STARD13: variants seen among roughly 807,000 people sequenced by gnomAD.
STARD13 encodes stAR-related lipid transfer protein 13.
A neutral mutation model predicts 106.4 loss-of-function variants in STARD13; 62 were observed. The observed-to-expected ratio is 0.58, with a 90% CI of 0.48 to 0.72. The LOEUF (loss-of-function observed/expected upper bound fraction) is 0.72, where lower values mean the gene tolerates loss of function less well. Ranked by LOEUF, STARD13 falls within the 30% of genes least tolerant of loss-of-function variation. STARD13 has a pLI of 0.00. For synonymous variants in STARD13, 565 were observed against 553.0 expected (o/e 1.02, Z -0.31); for missense variants, 1,387 against 1,424.0 (o/e 0.97, Z 0.42).
chr13:33,542,638 G>C, the STARD13 span, among the ~76,000 whole-genome samples: 3 of 152,210 alleles, frequency 2.0e-5, no homozygotes, highest in African/African-American at 7.2e-5. Flanking sequence ...TTCCGCTCCG[G>C]GGCTCGTCGG....
chr13:33,144,161 G>A (rs920433266), intron 3 of STARD13, among the ~76,000 whole-genome samples: 1 of 152,128 alleles, frequency 6.6e-6, no homozygotes, highest in South Asian at 2.1e-4. Context: ...CCAGTCCTCT[G>A]TCTCCAGCCC....
the STARD13 span, among the ~76,000 whole-genome samples, chr13:33,385,489 A>T: frequency 6.7e-6 from 1 of 149,334 alleles, no homozygotes; most frequent in South Asian, 2.1e-4. Context: ...AAAAAAAAAA[A>T]AATGACCAGC....
chr13:33,334,395 G>C (rs556218876), intron 1 of STARD13, among the ~76,000 whole-genome samples: 37 of 152,184 alleles, frequency 2.4e-4, no homozygotes, highest in Non-Finnish European at 4.9e-4. Context: ...TGAGACCCCA[G>C]TCTGCACTTC....
the STARD13 span, among the ~76,000 whole-genome samples, chr13:33,458,593 A>T: frequency 4.6e-5 from 7 of 152,108 alleles, no homozygotes; most frequent in African/African-American, 1.7e-4. Context: ...TGATGATAAC[A>T]TGTAGATTCA....
chr13:33,183,283 G>A (rs1451992262), intron 1 of STARD13, among the ~76,000 whole-genome samples: 3 of 152,168 alleles, frequency 2.0e-5, no homozygotes, highest in African/African-American at 7.2e-5. Flanking sequence ...CTCAGCATGT[G>A]CTCAAGACAT....
At chr13:33,357,549 C>A in the STARD13 span, among the ~76,000 whole-genome samples, 1 of 152,182 alleles carries the variant, frequency 6.6e-6, no homozygotes, top group Non-Finnish European at 1.5e-5. Flanking sequence ...ATGAGGTCAG[C>A]AGCTACTCTT....
At chr13:33,185,890 ATG>A (rs1566059733) in intron 1 of STARD13, 2 of 1,614,156 alleles carry the variant, frequency 1.2e-6, no homozygotes, top group Admixed American at 3.3e-5. Flanking sequence ...CGGCGCTGGA[ATG>A]TGTGGTTCAC....
chr13:33,639,541 A>G, the STARD13 span, among the ~76,000 whole-genome samples: 1 of 152,230 alleles, frequency 6.6e-6, no homozygotes, highest in Non-Finnish European at 1.5e-5. Flanking sequence ...AGCAGAAAGA[A>G]GGGAATGATC....
chr13:33,556,705 C>T, the STARD13 span, among the ~76,000 whole-genome samples: 2 of 152,156 alleles, frequency 1.3e-5, no homozygotes, highest in Non-Finnish European at 2.9e-5. Context: ...AAATTATCTT[C>T]CTAATAATGC....
the STARD13 span, among the ~76,000 whole-genome samples, chr13:33,465,311 T>C: frequency 6.7e-6 from 1 of 149,876 alleles, no homozygotes; most frequent in East Asian, 2.0e-4. Context: ...GTTCACGCCA[T>C]TCTCCTGCCT....
the STARD13 span, among the ~76,000 whole-genome samples, chr13:33,559,299 T>G: frequency 3.3e-5 from 5 of 151,668 alleles, no homozygotes; most frequent in Admixed American, 1.3e-4. Flanking sequence ...TTTATTCAAC[T>G]AAAAGTTCTA....
chr13:33,619,695 A>G, the STARD13 span, among the ~76,000 whole-genome samples: 1 of 152,238 alleles, frequency 6.6e-6, no homozygotes, highest in African/African-American at 2.4e-5. Flanking sequence ...TAAACAAAAT[A>G]GATGGGACAA....
chr13:33,339,957 C>T (rs1483332673), intron 1 of STARD13, among the ~76,000 whole-genome samples: 2 of 151,656 alleles, frequency 1.3e-5, no homozygotes, highest in Non-Finnish European at 2.9e-5. Flanking sequence ...ATGAGGACAA[C>T]ACCTTGTGGC....
At chr13:33,433,751 C>A in the STARD13 span, among the ~76,000 whole-genome samples, 2 of 152,124 alleles carry the variant, frequency 1.3e-5, no homozygotes, top group Non-Finnish European at 2.9e-5. Flanking sequence ...AAAAATATGG[C>A]CTGTGTCCCT....
At chr13:33,495,968 TATA>T in the STARD13 span, among the ~76,000 whole-genome samples, 1 of 142,382 alleles carries the variant, frequency 7.0e-6, no homozygotes, top group Non-Finnish European at 1.5e-5. Context: ...ATAGTTAATA[TATA>T]ATTATTATAA....
chr13:33,382,081 AC>A, the STARD13 span, among the ~76,000 whole-genome samples: 8 of 152,252 alleles, frequency 5.3e-5, no homozygotes, highest in Non-Finnish European at 8.8e-5. Flanking sequence ...AGACCAGGCT[AC>A]GCTGCCATCA....
chr13:33,136,004 C>T (rs1879002636), intron 4 of STARD13, among the ~76,000 whole-genome samples: 1 of 152,058 alleles, frequency 6.6e-6, no homozygotes, highest in African/African-American at 2.4e-5. Flanking sequence ...TGCCTGTAGT[C>T]ACAGCTACTC....
At chr13:33,440,684 T>C in the STARD13 span, among the ~76,000 whole-genome samples, 40 of 151,684 alleles carry the variant, frequency 2.6e-4, no homozygotes, top group Non-Finnish European at 2.1e-4. Flanking sequence ...GGTGATCTCA[T>C]GTACTTTCCA....
the STARD13 span, among the ~76,000 whole-genome samples, chr13:33,432,901 T>C: frequency 4.9e-4 from 74 of 152,336 alleles, no homozygotes; most frequent in Admixed American, 1.2e-3. Flanking sequence ...AAATAACGCT[T>C]TATTTTCACC....
Sources: allele counts gnomAD v4.1 joint callset (sites outside exome capture counted in the v4.1 genomes callset), GRCh38; gene constraint gnomAD v4.1.1; transcripts MANE v1.5; gene names NCBI Gene and HGNC (gene_info 2026-07-23, HGNC 2026-07-21).